LRRC7: variants seen among roughly 807,000 people sequenced by gnomAD.
The protein encoded by LRRC7 is leucine rich repeat containing 7.
A neutral mutation model predicts 175.7 loss-of-function variants in LRRC7; 23 were observed. The ratio of observed to expected loss-of-function variants is 0.13; its 90% CI spans 0.09 to 0.19. The LOEUF is 0.19. Among genes scored for constraint, LRRC7 ranks in the 10% least tolerant of loss-of-function variants. The pLI, the probability that LRRC7 is intolerant of heterozygous loss-of-function variation, is 1.00. For synonymous variants in LRRC7, 685 were observed against 680.9 expected (o/e 1.01, Z -0.09); for missense variants, 1,354 against 1,904.7 (o/e 0.71, Z 5.38).
chr1:69,942,695 A>G (rs1648855144), intron 8 of LRRC7, among the ~76,000 whole-genome samples: 1 of 151,972 alleles, frequency 6.6e-6, no homozygotes, highest in African/African-American at 2.4e-5. Flanking sequence ...CCTCTCTCTT[A>G]TAATGACATT....
chr1:69,938,995 T>TTA lies in LRRC7; in HGVS notation c.711+7443_711+7444dup, dbSNP rs71583104. On this transcript the variant is annotated intron_variant, in intron 8 of 26. Transcript: ENST00000651989. The stretch of plus-strand genomic sequence containing the variant: ...TTTGTAAAGCCACTAAGGCTGTAGA[T>TTA]TATATATATATATATATATCTATAT... Among the ~76,000 whole-genome samples the TTA allele has an allele frequency of 8.1e-3, 788 of 97,300 alleles. 27 individuals carry two copies. Among genetic ancestry groups the TTA allele is most frequent in the African/African-American group, 0.017 (419 of 25,184 alleles). The allele number at this position is 97,300 out of a possible 152,430, so 63.8% of individuals were successfully genotyped here. A position where few individuals can be genotyped will look rare whatever the true frequency, so the allele number is the denominator to read the frequency against.
At chr1:69,622,133 A>G (rs939619302) in intron 1 of LRRC7, among the ~76,000 whole-genome samples, 1 of 152,170 alleles carries the variant, frequency 6.6e-6, no homozygotes, top group Admixed American at 6.5e-5. Flanking sequence ...ACAGCTTTTA[A>G]TTCTGTGTGA....
chr1:70,071,535 A>G (rs1298530579), intron 23 of LRRC7, among the ~76,000 whole-genome samples: 4 of 152,188 alleles, frequency 2.6e-5, no homozygotes, highest in Non-Finnish European at 5.9e-5. Context: ...AGAAAGTAAT[A>G]GGACTGGGTT....
Position 70,038,325 on chromosome 1 carries a change from G to A in LRRC7, c.2501G>A (p.Ser834Asn), listed in dbSNP as rs1313089987. Reference protein sequence around the residue: ...AENANSNPLLSSKSRSTSSHG... With the variant: ...AENANSNPLLNSKSRSTSSHG... Reference sequence around the variant, plus strand: ...AATGCCAACAGTAATCCTCTCTTAAGTTCGAAATCTAGAAGCACATCTTCG... The same window carrying A: ...AATGCCAACAGTAATCCTCTCTTAAATTCGAAATCTAGAAGCACATCTTCG... Residue 834 changes from serine to asparagine, a missense_variant, in exon 21 of 27, where the codon AGT becomes AAT. Ser to Asn is a conservative substitution (Grantham distance 46, BLOSUM62 1). This residue lies in a region of LRRC7 where 1,032 missense variants were observed against 1,227.2 expected (regional missense o/e 0.84). Coordinates refer to ENST00000651989, the MANE Select transcript of LRRC7 (RefSeq NM_001370785.2). 1 of 1,614,116 alleles carries A rather than the reference G, an allele frequency of 6.2e-7. No individual in the cohort carries two copies. Among genetic ancestry groups the A allele is most frequent in the South Asian group, 1.1e-5 (1 of 91,082 alleles).
Position 70,136,220 on chromosome 1 carries a change from T to G in LRRC7, c.*14333T>G, listed in dbSNP as rs988340285. On this transcript the variant is annotated 3_prime_UTR_variant, in exon 27 of 27. Coordinates refer to ENST00000651989, the MANE Select transcript of LRRC7 (RefSeq NM_001370785.2). ...CATAAACTACTCAAAGTGAAGGGAC[T>G]ATATTTTCTTCTTTTGCTTGGTCTT... is the stretch of plus-strand genomic sequence containing the variant. 5.9e-5 allele frequency among the ~76,000 whole-genome samples: 9 copies of G among 151,926 alleles called. No individual in the cohort carries two copies. The East Asian group carries it at 1.6e-3, about 26-fold the overall frequency.
chr1:69,924,731 C>G (rs1469196978), intron 7 of LRRC7, among the ~76,000 whole-genome samples: 1 of 152,208 alleles, frequency 6.6e-6, no homozygotes, highest in Admixed American at 6.5e-5. Flanking sequence ...GATATACAAT[C>G]ATGTCATCTG....
chr1:69,600,006 G>T (rs927114796), intron 1 of LRRC7, among the ~76,000 whole-genome samples: 5 of 152,160 alleles, frequency 3.3e-5, no homozygotes, highest in Non-Finnish European at 7.3e-5. Flanking sequence ...TTGAGACACA[G>T]ATTAGACTAA....
chr1:69,781,455 G>A (rs1030385869), intron 3 of LRRC7, among the ~76,000 whole-genome samples: 42 of 151,872 alleles, frequency 2.8e-4, no homozygotes, highest in African/African-American at 9.7e-4. Flanking sequence ...ATCGAGGCAG[G>A]CAGATCACTT....
intron 16 of LRRC7, among the ~76,000 whole-genome samples, chr1:70,021,970 T>C (rs1278542789): frequency 6.6e-6 from 1 of 152,178 alleles, no homozygotes; most frequent in Non-Finnish European, 1.5e-5. Context: ...ATTGCATATG[T>C]GTTCTATTAA....
intron 7 of LRRC7, among the ~76,000 whole-genome samples, chr1:69,905,343 G>T (rs1157525922): frequency 6.6e-6 from 1 of 151,842 alleles, no homozygotes; most frequent in Non-Finnish European, 1.5e-5. Flanking sequence ...TGCCATGTTG[G>T]TGTGCTGCAC....
intron 21 of LRRC7, among the ~76,000 whole-genome samples, chr1:70,043,583 T>C (rs117525613): frequency 2.1e-4 from 32 of 152,318 alleles, no homozygotes; most frequent in East Asian, 1.2e-3. Flanking sequence ...GATCTGCAGC[T>C]GGTAAAATTT....
At position 69,781,761 on chromosome 1, in the gene LRRC7, GAGAGAA is replaced by G. The variant is rs1447706586; in HGVS notation, c.304-10278_304-10273del. On this transcript the variant is annotated intron_variant, in intron 3 of 26. Transcript: ENST00000651989. ...AGAGAGAGAGAGAGAGAGAGAGAGAGAGAGAAAGAAAGAAAGAAAGAAAGAAAGGAA... is the reference window on the plus strand; with the variant it reads ...AGAGAGAGAGAGAGAGAGAGAGAGAGAGAAAGAAAGAAAGAAAGAAAGGAA... 1.2e-3 allele frequency among the ~76,000 whole-genome samples: 58 copies of G among 49,644 alleles called. 8 individuals carry two copies. Among genetic ancestry groups the G allele is most frequent in the Middle Eastern group, 9.1e-3 (1 of 110 alleles). The allele number at this position is 49,644 out of a possible 152,430, so 32.6% of individuals were successfully genotyped here. A position where few individuals can be genotyped will look rare whatever the true frequency, so the allele number is the denominator to read the frequency against.
In LRRC7 at chr1:70,126,223, G is replaced by A. The variant is rs1042811414; in HGVS notation, c.*4336G>A. ...ACCACTCAAAGTCTTTGATAAATTC[G>A]ATCAAACAACATATTTGACTAATTT... On this transcript the variant is annotated 3_prime_UTR_variant, in exon 27 of 27. Transcript: ENST00000651989. 6.6e-6 allele frequency among the ~76,000 whole-genome samples: 1 copy of A among 152,004 alleles called. No individual in the cohort carries two copies. The highest frequency in any genetic ancestry group is 6.6e-5 in the Admixed American group (1 of 15,248).
At chr1:69,764,730 CAGATAGAT>C (rs112836690) in intron 3 of LRRC7, among the ~76,000 whole-genome samples, 2,388 of 140,410 alleles carry the variant, frequency 0.017, 25 homozygotes, top group Non-Finnish European at 0.02. Context: ...GATAGATAGA[CAGATAGAT>C]AGATAGATAG....
rs1666403465 is a variant in LRRC7, at chr1:70,125,518, C to T, written c.*3631C>T. 6.6e-6 allele frequency among the ~76,000 whole-genome samples: 1 copy of T among 152,158 alleles called. No homozygotes were observed. The highest frequency in any genetic ancestry group is 2.4e-5 in the African/African-American group (1 of 41,452). ...GGTGAGCTAAAGAGAGAGGGCCGGG[C>T]GCGGTGGCTCACGCCTGTAATCCCA... On this transcript the variant is annotated 3_prime_UTR_variant, in exon 27 of 27. Coordinates refer to ENST00000651989, the MANE Select transcript of LRRC7 (RefSeq NM_001370785.2).
chr1:69,963,336 G>A (rs1026808326), intron 8 of LRRC7, among the ~76,000 whole-genome samples: 1 of 151,240 alleles, frequency 6.6e-6, no homozygotes, highest in Non-Finnish European at 1.5e-5. Context: ...AAGAAACAAA[G>A]AAAAAGAAAA....
intron 3 of LRRC7, among the ~76,000 whole-genome samples, chr1:69,787,457 C>G (rs952817770): frequency 6.6e-6 from 1 of 152,188 alleles, no homozygotes; most frequent in African/African-American, 2.4e-5. Flanking sequence ...CCATGAGGGC[C>G]CTGCCCCTGC....
intron 1 of LRRC7, among the ~76,000 whole-genome samples, chr1:69,592,395 AGAGT>A (rs1261366857): frequency 1.3e-5 from 2 of 152,148 alleles, no homozygotes; most frequent in African/African-American, 4.8e-5. Context: ...TAGAAAAGAA[AGAGT>A]GAGTGCATAT....
At chr1:69,737,214 G>T (rs754499042) in intron 2 of LRRC7, among the ~76,000 whole-genome samples, 3 of 152,022 alleles carry the variant, frequency 2.0e-5, no homozygotes, top group Non-Finnish European at 4.4e-5. Context: ...CCCATAAACC[G>T]CACGTGTTGT....
Sources: allele counts gnomAD v4.1 joint callset (sites outside exome capture counted in the v4.1 genomes callset), GRCh38; gene constraint gnomAD v4.1.1; regional missense constraint gnomAD v4.1.1; transcripts MANE v1.5; gene names NCBI Gene and HGNC (gene_info 2026-07-23, HGNC 2026-07-21).